Variants in CABIN1 observed in about 807,000 individuals in gnomAD.
The protein encoded by CABIN1 is calcineurin binding protein 1, also known as calcineurin-binding protein cabin-1.
Under a neutral mutation model 227.7 loss-of-function variants are expected in CABIN1, and 133 were observed. That is an observed-to-expected ratio of 0.58 (90% CI 0.51 to 0.67). The LOEUF is 0.67. Among genes scored for constraint, CABIN1 ranks in the 30% least tolerant of loss-of-function variants. The probability of loss-of-function intolerance (pLI) is 0.00; values close to 1 mark genes in which losing one functional copy is unlikely to be tolerated. For missense variants in CABIN1, 2,408 were observed against 2,852.5 expected, an observed-to-expected ratio of 0.84 and a Z score of 3.55; for synonymous variants, 1,086 against 1,155.1, an observed-to-expected ratio of 0.94 and a Z score of 1.21.
At chr22:24,134,224 G>T in intron 28 of CABIN1, 78 bp from the exon 29 acceptor site, 1 of 984,340 alleles carries the variant, frequency 1.0e-6, no homozygotes, top group East Asian at 2.6e-5. Context: ...AGCCAGGAAG[G>T]AGGGGACCGC....
intron 29 of CABIN1, among the ~76,000 whole-genome samples, chr22:24,144,032 T>C (rs1341757244): frequency 6.6e-6 from 1 of 152,206 alleles, no homozygotes; most frequent in Admixed American, 6.5e-5. Context: ...ATTGCCAGTA[T>C]TCCTGACACA....
rs2040159272 is a variant in CABIN1, at chr22:24,072,472, T to G, written c.2594T>G (p.Leu865Arg). 1.2e-6 allele frequency: 2 copies of G among 1,614,130 alleles called. No individual in the cohort carries two copies. The highest frequency in any genetic ancestry group is 8.5e-7 in the Non-Finnish European group (1 of 1,180,048). Reference sequence around the variant, plus strand: ...CAGGAGGAAGACACCTTCCATTCTCTGTGCCACCAGCAGCAGCTCCAAAAC... The same window carrying G: ...CAGGAGGAAGACACCTTCCATTCTCGGTGCCACCAGCAGCAGCTCCAAAAC... ...IWQEEDTFHS[L>R]CHQQQLQNPA... The change falls in exon 18 of 37, where the codon CTG (leucine) becomes CGG (arginine). Residue 865 changes from leucine (L) to arginine (R), a missense_variant. Physicochemically the swap from Leu to Arg is moderately radical, Grantham distance 102 (BLOSUM62 -2). Coordinates refer to ENST00000263119, the MANE Select transcript of CABIN1 (RefSeq NM_012295.4).
intron 19 of CABIN1, among the ~76,000 whole-genome samples, chr22:24,076,940 TATA>T (rs1438468231): frequency 6.6e-6 from 1 of 152,192 alleles, no homozygotes; most frequent in Non-Finnish European, 1.5e-5. Flanking sequence ...AGACCCAGCC[TATA>T]ATATTTATTC....
At position 24,177,239 on chromosome 22, in the gene CABIN1, AG is replaced by A. The variant is rs376457831; in HGVS notation, c.6206-262del. ...GGTCTTACAGAACCCAGCAAGGCTC[AG>A]GGAGTCTCAGGTCCTGGGCTTTGAG... On this transcript the variant is annotated intron_variant, in intron 35 of 36. Coordinates refer to ENST00000263119, the MANE Select transcript of CABIN1 (RefSeq NM_012295.4). This position sits in a 1 kb window ranked among gnomAD's most constrained non-coding sequence, Gnocchi z 4.4. Among the ~76,000 whole-genome samples, 55 of 152,334 alleles carry A rather than the reference AG, an allele frequency of 3.6e-4. No individual in the cohort carries two copies. The highest frequency in any genetic ancestry group is 1.3e-3 in the African/African-American group (54 of 41,566).
intron 16 of CABIN1, among the ~76,000 whole-genome samples, chr22:24,070,403 C>T (rs1197069589): frequency 6.6e-6 from 1 of 152,254 alleles, no homozygotes; most frequent in Non-Finnish European, 1.5e-5. Flanking sequence ...TGGCAGTCTG[C>T]CCCTTTGCTG....
intron 19 of CABIN1, among the ~76,000 whole-genome samples, chr22:24,079,962 A>G (rs543597324): frequency 6.6e-6 from 1 of 152,274 alleles, no homozygotes; most frequent in African/African-American, 2.4e-5. Flanking sequence ...TGTCAAATTT[A>G]TTAGTCTTCT....
intron 29 of CABIN1, among the ~76,000 whole-genome samples, chr22:24,150,339 T>C (rs1257625768): frequency 6.6e-6 from 1 of 152,180 alleles, no homozygotes; most frequent in Non-Finnish European, 1.5e-5. Context: ...GCGCTGACCT[T>C]GCAGTTGGCC....
intron 23 of CABIN1, among the ~76,000 whole-genome samples, chr22:24,089,519 G>A (rs1049657488): frequency 1.3e-5 from 2 of 152,224 alleles, no homozygotes; most frequent in Non-Finnish European, 2.9e-5. Context: ...TGTCCCGACA[G>A]GGAGGGAGGG....
At chr22:24,056,082 A>G (rs2038773017) in intron 9 of CABIN1, 110 bp from the exon 10 acceptor site, 1 of 941,280 alleles carries the variant, frequency 1.1e-6, no homozygotes. Context: ...TTGAATGTCA[A>G]AGAGTTTAAT....
In CABIN1 at chr22:24,165,592, A is replaced by G; in HGVS notation, c.4973A>G (p.Lys1658Arg). The part of the protein sequence containing the change: ...LAQRAFILTV[K>R]VLEDTLSELA... Reference sequence around the variant, plus strand: ...CAGCGGGCCTTCATCCTCACTGTGAAGGTGCTCGAAGACACGCTGAGCGAG... The same window carrying G: ...CAGCGGGCCTTCATCCTCACTGTGAGGGTGCTCGAAGACACGCTGAGCGAG... The change falls in exon 31 of 37, where the codon AAG becomes AGG. Residue 1658 changes from lysine to arginine, a missense_variant. Lys to Arg is a conservative substitution (Grantham distance 26). Around this residue, in one of 3 missense-constraint regions of CABIN1, gnomAD observed 714 missense variants for 773.8 expected, o/e 0.92. Transcript: ENST00000263119. The G allele has an allele frequency of 1.9e-6, 3 of 1,613,180 alleles. No individual in the cohort carries two copies. The highest frequency in any genetic ancestry group is 2.5e-6 in the Non-Finnish European group (3 of 1,179,962).
intron 29 of CABIN1, among the ~76,000 whole-genome samples, chr22:24,159,612 C>T (rs2046034455): frequency 6.6e-6 from 1 of 152,202 alleles, no homozygotes; most frequent in African/African-American, 2.4e-5. Context: ...GTTCCTCCCT[C>T]TTCTGCCCTC....
chr22:24,026,976 A>G (rs1223750999), intron 1 of CABIN1, among the ~76,000 whole-genome samples: 2 of 152,134 alleles, frequency 1.3e-5, no homozygotes, highest in African/African-American at 4.8e-5. Context: ...TTTGGGGGAA[A>G]ATTGACATCT....
intron 1 of CABIN1, among the ~76,000 whole-genome samples, chr22:24,019,475 G>A (rs952720737): frequency 1.3e-5 from 2 of 150,988 alleles, no homozygotes; most frequent in South Asian, 4.2e-4. Context: ...GGATGGTCTC[G>A]AACTGCTGAC....
At position 24,054,966 on chromosome 22, in the gene CABIN1, G is replaced by T; in HGVS notation, c.900G>T (p.Leu300Phe). 1 of 1,614,230 alleles carries T rather than the reference G, an allele frequency of 6.2e-7. No individual in the cohort carries two copies. The highest frequency in any genetic ancestry group is 1.1e-5 in the South Asian group (1 of 91,092). Residue 300 changes from leucine (L) to phenylalanine (F), a missense_variant, in exon 9 of 37, where the codon TTG becomes TTT. Leu to Phe is a conservative substitution (Grantham distance 22). Around this residue, in one of 3 missense-constraint regions of CABIN1, gnomAD observed 1,045 missense variants for 1,168.4 expected, o/e 0.89. Transcript: ENST00000263119. ...CCAGCCTTGGCAAAAGGATTGATTT[G>T]TCGGACTACCAGGACCCCAGCCAGC... ...PRPSLGKRIDLSDYQDPSQPL... is the reference protein window; with the variant it reads ...PRPSLGKRIDFSDYQDPSQPL...
At chr22:24,107,327 C>T (rs779997424) in intron 26 of CABIN1, among the ~76,000 whole-genome samples, 21 of 152,208 alleles carry the variant, frequency 1.4e-4, no homozygotes, top group Non-Finnish European at 2.4e-4. Context: ...CCACAATGCC[C>T]CCCAGGGCCA....
chr22:24,029,638 A>G (rs1413150651), intron 1 of CABIN1, among the ~76,000 whole-genome samples: 1 of 152,112 alleles, frequency 6.6e-6, no homozygotes, highest in East Asian at 1.9e-4. Context: ...CAATGTGTCC[A>G]TTATTCTGGC....
chr22:24,084,680 C>T lies in CABIN1; in HGVS notation c.3012C>T (p.Asp1004=), dbSNP rs775023626. ...DSYKTSTVSA[D]LANLLKRIAT... ...ATAAGACCAGCACCGTGTCTGCTGACTTGGCCAACCTACTGAAGAGAATTG... is the reference window on the plus strand; with the variant it reads ...ATAAGACCAGCACCGTGTCTGCTGATTTGGCCAACCTACTGAAGAGAATTG... Residue 1004 remains aspartate (D), a synonymous_variant, in exon 21 of 37, where the codon GAC becomes GAT. Transcript: ENST00000263119. 2 of 1,614,202 alleles carry T rather than the reference C, an allele frequency of 1.2e-6. No individual in the cohort carries two copies. Among genetic ancestry groups the T allele is most frequent in the Non-Finnish European group, 1.7e-6 (2 of 1,180,028 alleles).
At chr22:24,152,384 G>A (rs1356470121) in intron 29 of CABIN1, among the ~76,000 whole-genome samples, 2 of 152,208 alleles carry the variant, frequency 1.3e-5, no homozygotes, top group Admixed American at 1.3e-4. Context: ...GGGTCTGTGG[G>A]TCTAGGGAGG....
chr22:24,086,884 G>A (rs1237900707), intron 22 of CABIN1, among the ~76,000 whole-genome samples: 2 of 152,170 alleles, frequency 1.3e-5, no homozygotes, highest in Admixed American at 6.5e-5. Context: ...GATCTGCTCA[G>A]GGTCCCAGAG....
Sources: allele counts gnomAD v4.1 joint callset (sites outside exome capture counted in the v4.1 genomes callset), GRCh38; gene constraint gnomAD v4.1.1; regional missense constraint gnomAD v4.1.1; non-coding constraint Gnocchi (gnomAD v3.1); transcripts MANE v1.5; gene names NCBI Gene and HGNC (gene_info 2026-07-23, HGNC 2026-07-21).